Variants in PTPRT observed in about 807,000 individuals in gnomAD.
PTPRT encodes the protein protein tyrosine phosphatase receptor type T.
In PTPRT, 56 loss-of-function variants were observed where a neutral mutation model predicts 176.8. That is an observed-to-expected ratio of 0.32 (90% CI 0.26 to 0.40). PTPRT has a LOEUF of 0.40. Among genes scored for constraint, PTPRT ranks in the 10% least tolerant of loss-of-function variants. The probability of loss-of-function intolerance (pLI) is 1.00; values close to 1 mark genes in which losing one functional copy is unlikely to be tolerated. For missense variants in PTPRT, 1,540 were observed against 1,908.2 expected (o/e 0.81, Z 3.60); for synonymous variants, 783 against 739.0 (o/e 1.06, Z -0.96).
intron 15 of PTPRT, 108 bp from the exon 16 acceptor site, chr20:42,199,496 G>A: frequency 7.9e-7 from 1 of 1,267,966 alleles, no homozygotes; most frequent in Non-Finnish European, 1.1e-6. Context: ...CCCCAAATCT[G>A]GTTCATTCTC....
At chr20:43,169,262 T>C (rs962972818) in intron 1 of PTPRT, among the ~76,000 whole-genome samples, 17 of 152,260 alleles carry the variant, frequency 1.1e-4, no homozygotes, top group African/African-American at 4.1e-4. Flanking sequence ...CCTTTTCTTA[T>C]AACTCAAAGT....
chr20:42,459,647 C>T (rs115687400), intron 8 of PTPRT, among the ~76,000 whole-genome samples: 2,043 of 152,270 alleles, frequency 0.013, 47 homozygotes, highest in African/African-American at 0.047. Context: ...CTGCTTTGTA[C>T]AAAGCCAGGG....
intron 1 of PTPRT, among the ~76,000 whole-genome samples, chr20:43,091,345 T>C (rs1194838175): frequency 6.6e-6 from 1 of 152,062 alleles, no homozygotes; most frequent in Non-Finnish European, 1.5e-5. Flanking sequence ...TAATTAGCAA[T>C]ACTGAATGTT....
Position 42,208,915 on chromosome 20 carries a change from G to A in PTPRT, c.2343-9527C>T, listed in dbSNP as rs547404470. On this transcript the variant is annotated intron_variant, in intron 15 of 30. Transcript: ENST00000373187. ...GGAAGTAAAGGTCTCCTTAGCAAAT[G>A]TAAAAGAACACAGAAATTATAACAA... Among the ~76,000 whole-genome samples, 6 of 152,260 alleles carry A rather than the reference G, an allele frequency of 3.9e-5. No homozygotes were observed. The East Asian group carries it at 1.2e-3, about 29-fold the overall frequency.
chr20:43,171,727 C>T (rs1040997508), intron 1 of PTPRT, among the ~76,000 whole-genome samples: 14 of 152,332 alleles, frequency 9.2e-5, no homozygotes, highest in African/African-American at 3.1e-4. Flanking sequence ...TTCAGTGGAT[C>T]TGCTATGGAG....
intron 9 of PTPRT, among the ~76,000 whole-genome samples, chr20:42,366,582 T>C (rs1321191974): frequency 2.0e-5 from 3 of 152,208 alleles, no homozygotes; most frequent in Non-Finnish European, 4.4e-5. Flanking sequence ...GAGTGAGACA[T>C]GCCCCTACAA....
At chr20:43,035,216 A>C (rs952562715) in intron 1 of PTPRT, among the ~76,000 whole-genome samples, 1 of 151,804 alleles carries the variant, frequency 6.6e-6, no homozygotes, top group Non-Finnish European at 1.5e-5. Context: ...CCATGAACAC[A>C]CCTGAGGGTC....
At chr20:43,078,842 C>G (rs541877366) in intron 1 of PTPRT, among the ~76,000 whole-genome samples, 2 of 152,194 alleles carry the variant, frequency 1.3e-5, no homozygotes, top group Non-Finnish European at 2.9e-5. Context: ...GCAGAGCCAA[C>G]AATCAGGAAA....
intron 1 of PTPRT, among the ~76,000 whole-genome samples, chr20:43,012,379 A>C (rs1215271805): frequency 6.6e-6 from 1 of 152,192 alleles, no homozygotes; most frequent in African/African-American, 2.4e-5. Context: ...AGAGTAGTCA[A>C]ATTTACAGAG....
intron 2 of PTPRT, among the ~76,000 whole-genome samples, chr20:42,809,107 G>A (rs1289892500): frequency 6.6e-6 from 1 of 152,220 alleles, no homozygotes; most frequent in African/African-American, 2.4e-5. Flanking sequence ...CACAGAGGAT[G>A]TGGCTGCAGC....
intron 1 of PTPRT, among the ~76,000 whole-genome samples, chr20:42,919,152 C>A (rs1332245641): frequency 6.6e-6 from 1 of 152,176 alleles, no homozygotes; most frequent in African/African-American, 2.4e-5. Context: ...CACCCATCAC[C>A]CCTCCAGCCT....
intron 1 of PTPRT, among the ~76,000 whole-genome samples, chr20:43,106,005 G>C (rs1373661082): frequency 6.6e-6 from 1 of 152,048 alleles, no homozygotes; most frequent in Non-Finnish European, 1.5e-5. Context: ...ACAGGTTCAG[G>C]GGGTGAGGGG....
intron 1 of PTPRT, among the ~76,000 whole-genome samples, chr20:43,166,763 G>T (rs2014869810): frequency 6.6e-6 from 1 of 152,204 alleles, no homozygotes; most frequent in African/African-American, 2.4e-5. Context: ...ATGGCTGGCA[G>T]ACATCAGAGT....
chr20:42,618,368 G>A (rs1394504481), intron 7 of PTPRT, among the ~76,000 whole-genome samples: 2 of 135,450 alleles, frequency 1.5e-5, no homozygotes, highest in Non-Finnish European at 3.1e-5. Flanking sequence ...CAACTATGTG[G>A]TCAATTTTGG....
chr20:42,399,885 G>A (rs968792105), intron 9 of PTPRT, among the ~76,000 whole-genome samples: 4 of 152,164 alleles, frequency 2.6e-5, no homozygotes, highest in African/African-American at 9.6e-5. Flanking sequence ...TCAAATATCT[G>A]ACTTATAAGA....
rs138589787 is a variant in PTPRT, at chr20:42,354,298, T to C, written c.1561-2013A>G. ...TTTGCACTGTGTATCAGTGAAATCC[T>C]ATGAAACGCGCTTTTTTGTTTCTGG... On this transcript the variant is annotated intron_variant, in intron 9 of 30. Coordinates refer to ENST00000373187, the MANE Select transcript of PTPRT (RefSeq NM_007050.6). Among the ~76,000 whole-genome samples the C allele has an allele frequency of 2.8e-3, 423 of 152,328 alleles. 1 individual carries two copies. Among genetic ancestry groups the C allele is most frequent in the African/African-American group, 9.9e-3 (412 of 41,570 alleles).
intron 7 of PTPRT, among the ~76,000 whole-genome samples, chr20:42,499,761 G>A (rs575039902): frequency 6.6e-6 from 1 of 152,124 alleles, no homozygotes; most frequent in Non-Finnish European, 1.5e-5. Flanking sequence ...CCAACAAGAT[G>A]TCCAATATAT....
chr20:42,772,938 A>C (rs1238345130), intron 4 of PTPRT, among the ~76,000 whole-genome samples: 5 of 152,252 alleles, frequency 3.3e-5, no homozygotes, highest in Non-Finnish European at 5.9e-5. Flanking sequence ...ATCAAGGCTC[A>C]GCAAGTTTAA....
chr20:42,199,138 C>T lies in PTPRT; in HGVS notation c.2491+102G>A, dbSNP rs553530062. On this transcript the variant is annotated intron_variant, in intron 16 of 30. Transcript: ENST00000373187. ...TCCATATCAGGCAAGCATCCATACCCTATGCCTGGCAGCACCTGATCAATG... is the reference window on the plus strand; with the variant it reads ...TCCATATCAGGCAAGCATCCATACCTTATGCCTGGCAGCACCTGATCAATG... 5 of 1,402,156 alleles carry T rather than the reference C, an allele frequency of 3.6e-6. No individual in the cohort carries two copies. The Admixed American group carries it at 7.7e-5, about 22-fold the overall frequency. The allele number at this position is 1,402,156 out of a possible 1,614,324, so 86.9% of individuals were successfully genotyped here. A position where few individuals can be genotyped will look rare whatever the true frequency, so the allele number is the denominator to read the frequency against.
Sources: gnomAD v4.1 joint callset for allele counts (sites outside exome capture counted in the v4.1 genomes callset) on GRCh38, gnomAD v4.1.1 for gene constraint, MANE v1.5 for transcripts, NCBI Gene and HGNC (gene_info 2026-07-23, HGNC 2026-07-21) for gene names.